PLA2R1: variants seen among roughly 807,000 people sequenced by gnomAD.
PLA2R1 encodes the protein secretory phospholipase A2 receptor.
In PLA2R1, 158 loss-of-function variants were observed where a neutral mutation model predicts 195.9. The observed-to-expected ratio is 0.81, with a 90% CI of 0.71 to 0.92. The LOEUF is 0.92. Ranked by LOEUF, PLA2R1 falls within the 40% of genes least tolerant of loss-of-function variation. The pLI is 0.00. For missense variants in PLA2R1, 1,626 were observed against 1,764.6 expected, an observed-to-expected ratio of 0.92 and a Z score of 1.41; for synonymous variants, 586 against 598.2, an observed-to-expected ratio of 0.98 and a Z score of 0.30.
At chr2:160,052,105 C>G (rs537898832) in intron 1 of PLA2R1, among the ~76,000 whole-genome samples, 62 of 152,318 alleles carry the variant, frequency 4.1e-4, no homozygotes, top group African/African-American at 1.5e-3. Context: ...GGCCGTGGAC[C>G]GCTCTTGCTA....
At chr2:160,061,086 T>C (rs763270980) in intron 1 of PLA2R1, among the ~76,000 whole-genome samples, 1 of 152,222 alleles carries the variant, frequency 6.6e-6, no homozygotes, top group Non-Finnish European at 1.5e-5. Flanking sequence ...CATATTCTAC[T>C]GTGGAGGAAA....
In PLA2R1 at chr2:159,936,261, T is replaced by A. The variant is rs1330937633; in HGVS notation, c.*5517A>T. Reference sequence around the variant, plus strand: ...AGCCACCGCGCCCAGCCTAAAATTATTTTTTAAGAAGTCCCTGTGAACATA... The same window carrying A: ...AGCCACCGCGCCCAGCCTAAAATTAATTTTTAAGAAGTCCCTGTGAACATA... On this transcript the variant is annotated 3_prime_UTR_variant, in exon 30 of 30. Coordinates refer to ENST00000283243, the MANE Select transcript of PLA2R1 (RefSeq NM_007366.5). 6.6e-6 allele frequency: 1 copy of A among 152,160 alleles called. No homozygotes were observed. The highest frequency in any genetic ancestry group is 2.4e-5 in the African/African-American group (1 of 41,452). 9.4% of individuals were successfully genotyped at this position (152,160 alleles called of 1,614,324 possible).
At chr2:159,990,932 T>A (rs373609267) in intron 11 of PLA2R1, among the ~76,000 whole-genome samples, 1 of 141,886 alleles carries the variant, frequency 7.0e-6, no homozygotes, top group African/African-American at 2.7e-5. Flanking sequence ...CTATTTAACT[T>A]CAGAAACTCT....
At chr2:160,009,460 T>C (rs571436454) in intron 10 of PLA2R1, among the ~76,000 whole-genome samples, 5 of 152,204 alleles carry the variant, frequency 3.3e-5, no homozygotes, top group African/African-American at 1.2e-4. Flanking sequence ...ATTCCACTTA[T>C]ATGAGACATG....
intron 3 of PLA2R1, among the ~76,000 whole-genome samples, chr2:160,040,697 G>T (rs1694470820): frequency 6.6e-6 from 1 of 152,186 alleles, no homozygotes; most frequent in Non-Finnish European, 1.5e-5. Context: ...GTTCCTTAAA[G>T]GGAGGATCCT....
chr2:160,026,522 T>G (rs2105496145), intron 6 of PLA2R1, among the ~76,000 whole-genome samples: 1 of 152,282 alleles, frequency 6.6e-6, no homozygotes, highest in East Asian at 1.9e-4. Flanking sequence ...AGGAACACAG[T>G]GCCATGATGT....
At chr2:160,060,914 T>A (rs185783182) in intron 1 of PLA2R1, among the ~76,000 whole-genome samples, 2 of 152,344 alleles carry the variant, frequency 1.3e-5, no homozygotes, top group Admixed American at 1.3e-4. Context: ...CAGGATCAGA[T>A]GTGCATCCAC....
At chr2:160,016,135 A>T (rs1277891435) in intron 9 of PLA2R1, among the ~76,000 whole-genome samples, 1 of 152,026 alleles carries the variant, frequency 6.6e-6, no homozygotes. Context: ...GTAGTGGCGC[A>T]CGCCTGTAAT....
intron 3 of PLA2R1, among the ~76,000 whole-genome samples, chr2:160,039,596 T>G (rs1174400550): frequency 6.6e-6 from 1 of 152,110 alleles, no homozygotes; most frequent in East Asian, 1.9e-4. Context: ...CTCTGTCCTA[T>G]CCACTTGTTG....
chr2:160,016,745 C>T, intron 8 of PLA2R1, 33 bp from the exon 9 acceptor site: 1 of 1,024,088 alleles, frequency 9.8e-7, no homozygotes, highest in South Asian at 1.3e-5. Context: ...AGAATGAATA[C>T]ACTCTGTGCT....
intron 27 of PLA2R1, chr2:159,946,169 T>C (rs1687377372): frequency 4.9e-6 from 4 of 824,396 alleles, no homozygotes; most frequent in Non-Finnish European, 4.4e-6. Context: ...TAAAAGTTGG[T>C]CTGCTTTTTA....
rs780380327 is a variant in PLA2R1 at position 160,028,212 on chromosome 2, G to A, written c.1099+6C>T. The A allele has an allele frequency of 5.1e-6, 8 of 1,567,584 alleles. No individual in the cohort carries two copies. Among genetic ancestry groups the A allele is most frequent in the East Asian group, 4.5e-5 (2 of 43,984 alleles). ...CCTAAGAACAACTTAAAATAAAAAC[G>A]CTTACCAACTATTTCATGATCAATG... On this transcript the variant is annotated splice_donor_region_variant and intron_variant, in intron 6 of 29. Coordinates refer to ENST00000283243, the MANE Select transcript of PLA2R1 (RefSeq NM_007366.5).
intron 3 of PLA2R1, among the ~76,000 whole-genome samples, chr2:160,033,450 G>C (rs1232275696): frequency 6.6e-6 from 1 of 152,144 alleles, no homozygotes; most frequent in African/African-American, 2.4e-5. Flanking sequence ...TAAGATCTAA[G>C]TTCTTTTGTC....
At chr2:160,027,639 C>T (rs1015542054) in intron 6 of PLA2R1, among the ~76,000 whole-genome samples, 4 of 152,092 alleles carry the variant, frequency 2.6e-5, no homozygotes. Context: ...TTTATCTCTA[C>T]ATTTGGAGCT....
At chr2:159,996,347 CTT>C (rs1040697553) in intron 11 of PLA2R1, among the ~76,000 whole-genome samples, 48 of 152,154 alleles carry the variant, frequency 3.2e-4, no homozygotes, top group African/African-American at 1.1e-3. Flanking sequence ...TCTCTTAACA[CTT>C]TAAATATTTC....
In PLA2R1 at chr2:159,967,672, C is replaced by G; in HGVS notation, c.2771G>C (p.Trp924Ser). The G allele has an allele frequency of 6.2e-7, 1 of 1,613,502 alleles. No homozygotes were observed. Among genetic ancestry groups the G allele is most frequent in the Non-Finnish European group, 8.5e-7 (1 of 1,179,678 alleles). ...CGFISSITGL[W>S]GSEECSVSMP... ...AGAAACTGAACACTCTTCACTACCC[C>G]AGAGTCCTGGAGGAGAAAATGGGTT... The change falls in exon 20 of 30, where the codon TGG becomes TCG. Residue 924 changes from tryptophan to serine, a missense_variant. Trp to Ser is a radical substitution (Grantham distance 177). Transcript: ENST00000283243.
At chr2:160,041,080 A>G (rs1014087864) in intron 3 of PLA2R1, among the ~76,000 whole-genome samples, 20 of 152,214 alleles carry the variant, frequency 1.3e-4, no homozygotes, top group African/African-American at 4.6e-4. Context: ...ATTATTTCAA[A>G]GCTTATACTC....
chr2:159,976,982 T>C (rs1315976574), intron 15 of PLA2R1, among the ~76,000 whole-genome samples: 2 of 152,222 alleles, frequency 1.3e-5, no homozygotes, highest in South Asian at 4.1e-4. Flanking sequence ...TGTTTCCACT[T>C]ACTCATTGTG....
chr2:159,944,918 T>C lies in PLA2R1; in HGVS notation c.4132A>G (p.Lys1378Glu). 6.2e-7 allele frequency: 1 copy of C among 1,612,458 alleles called. No homozygotes were observed. Among genetic ancestry groups the C allele is most frequent in the Non-Finnish European group, 8.5e-7 (1 of 1,178,780 alleles). Reference sequence around the variant, plus strand: ...TGACTTTACCTACCTGCCTCCATTTTACATATAAAGCCTTTTTTTTCTTGA... The same window carrying C: ...TGACTTTACCTACCTGCCTCCATTTCACATATAAAGCCTTTTTTTTCTTGA... ...PCQEKKGFIC[K>E]MEADIHTAEA... The change falls in exon 28 of 30, where the codon AAA (lysine) becomes GAA (glutamate). Residue 1378 changes from lysine (K) to glutamate (E), a missense_variant. By Grantham distance (56) the Lys-to-Glu change is moderately conservative. Transcript: ENST00000283243.
Sources: allele counts gnomAD v4.1 joint callset (sites outside exome capture counted in the v4.1 genomes callset), GRCh38; gene constraint gnomAD v4.1.1; transcripts MANE v1.5; gene names NCBI Gene and HGNC (gene_info 2026-07-23, HGNC 2026-07-21).